Variants in PALM3 observed in about 807,000 individuals in gnomAD.
The protein encoded by PALM3 is paralemmin-3.
Under a neutral mutation model 27.9 loss-of-function variants are expected in PALM3, and 20 were observed. The observed-to-expected ratio is 0.72, with a 90% confidence interval of 0.50 to 1.04. The LOEUF (loss-of-function observed/expected upper bound fraction) is 1.04. PALM3 is among the 50% of genes least tolerant of loss of function. PALM3 has a pLI of 0.00. For synonymous variants in PALM3, 328 were observed against 352.7 expected, an observed-to-expected ratio of 0.93 and a Z score of 0.79; for missense variants, 814 against 869.4, an observed-to-expected ratio of 0.94 and a Z score of 0.80.
rs1976219628 is a variant in PALM3 at position 14,053,490 on chromosome 19, C to T, written c.*115G>A. The T allele has an allele frequency of 7.9e-7, 1 of 1,261,656 alleles. No homozygotes were observed. Among genetic ancestry groups the T allele is most frequent in the Non-Finnish European group, 1.0e-6 (1 of 958,758 alleles). The allele number at this position is 1,261,656 out of a possible 1,614,324, so 78.2% of individuals were successfully genotyped here. On this transcript the variant is annotated 3_prime_UTR_variant, in exon 7 of 7. Coordinates refer to ENST00000669674, the MANE Select transcript of PALM3 (RefSeq NM_001145028.2). Reference sequence around the variant, plus strand: ...AGGTGGACGTGCAGGCTAGCTGGCTCCCAGGTGCCATGGCCAGTCCTGTGG... The same window carrying T: ...AGGTGGACGTGCAGGCTAGCTGGCTTCCAGGTGCCATGGCCAGTCCTGTGG...
rs1161992911 is a variant in PALM3 at position 14,054,599 on chromosome 19, C to A, written c.1073G>T (p.Trp358Leu). The A allele has an allele frequency of 6.4e-7, 1 of 1,551,900 alleles. No individual in the cohort carries two copies. The highest frequency in any genetic ancestry group is 2.0e-5 in the Admixed American group (1 of 50,968). Residue 358 changes from tryptophan to leucine, a missense_variant, in exon 7 of 7, where the codon TGG (tryptophan) becomes TTG (leucine). By Grantham distance (61) the Trp-to-Leu change is moderately conservative. Coordinates refer to ENST00000669674, the MANE Select transcript of PALM3 (RefSeq NM_001145028.2). ...TTCACTGAGGGTCACTCTCTCCACC[C>A]AAATGAAGGATCCCTCCTCTCCTCC... ...GSGGEEGSFIWVERVTLSEEW... is the reference protein window; with the variant it reads ...GSGGEEGSFILVERVTLSEEW...
In PALM3 at chr19:14,055,761, T is replaced by C. The variant is rs548341493; in HGVS notation, c.400-336A>G. Among the ~76,000 whole-genome samples, 11 of 152,308 alleles carry C rather than the reference T, an allele frequency of 7.2e-5. 1 individual carries two copies. The South Asian group carries it at 2.3e-3, about 32-fold the overall frequency. ...CAATCAACATAAATACAAATTAATT[T>C]TTTTTTTGAGATGGAGTCTTGCTGT... On this transcript the variant is annotated intron_variant, in intron 5 of 6. Transcript: ENST00000669674.
chr19:14,053,473 G>A lies in PALM3; in HGVS notation c.*132C>T, dbSNP rs1428205840. On this transcript the variant is annotated 3_prime_UTR_variant, in exon 7 of 7. Transcript: ENST00000669674. ...TCTGGAAGCCCAGGTTTAGGTGGAC[G>A]TGCAGGCTAGCTGGCTCCCAGGTGC... The A allele has an allele frequency of 1.1e-5, 12 of 1,084,178 alleles. No homozygotes were observed. The highest frequency in any genetic ancestry group is 7.2e-5 in the Admixed American group (2 of 27,716). 67.2% of individuals were successfully genotyped at this position (1,084,178 alleles called of 1,614,324 possible).
At chr19:14,056,055 C>A (rs1976298415) in intron 5 of PALM3, among the ~76,000 whole-genome samples, 1 of 152,186 alleles carries the variant, frequency 6.6e-6, no homozygotes, top group African/African-American at 2.4e-5. Flanking sequence ...ACTACAGGGA[C>A]ACACCACCAT....
In PALM3 at chr19:14,054,819, C is replaced by G; in HGVS notation, c.853G>C (p.Asp285His). 2 of 1,549,140 alleles carry G rather than the reference C, an allele frequency of 1.3e-6. No individual in the cohort carries two copies. The highest frequency in any genetic ancestry group is 1.7e-6 in the Non-Finnish European group (2 of 1,145,854). The change falls in exon 7 of 7, where the codon GAC becomes CAC. Residue 285 changes from aspartate (D) to histidine (H), a missense_variant. Asp to His is a moderately conservative substitution (Grantham distance 81, BLOSUM62 -1). Coordinates refer to ENST00000669674, the MANE Select transcript of PALM3 (RefSeq NM_001145028.2). ...CAGACCACCTCCACGATGCCCCTGTCCTCCTTCACCCAGGCCGGGAGCTCC... is the reference window on the plus strand; with the variant it reads ...CAGACCACCTCCACGATGCCCCTGTGCTCCTTCACCCAGGCCGGGAGCTCC... ...SLELPAWVKE[D>H]RGIVEVVWEG...
rs773021403 is a variant in PALM3, at chr19:14,054,518, T to C, written c.1154A>G (p.Glu385Gly). 3 of 1,550,914 alleles carry C rather than the reference T, an allele frequency of 1.9e-6. No individual in the cohort carries two copies. The highest frequency in any genetic ancestry group is 2.4e-5 in the South Asian group (2 of 83,980). Residue 385 changes from glutamate to glycine, a missense_variant, in exon 7 of 7, where the codon GAG becomes GGG. Physicochemically the swap from Glu to Gly is moderately conservative, Grantham distance 98 (BLOSUM62 -2). Coordinates refer to ENST00000669674, the MANE Select transcript of PALM3 (RefSeq NM_001145028.2). The stretch of plus-strand genomic sequence containing the variant: ...CCCCAGCGGGCTTTCATCTCCTCTC[T>C]CCCTCCCTGCCACCTCGGGCCCTTC... ...GLEGPEVAGR[E>G]RGDESPLGAE...
chr19:14,058,184 T>A (rs1976350151), intron 2 of PALM3, among the ~76,000 whole-genome samples: 1 of 128,544 alleles, frequency 7.8e-6, no homozygotes, highest in South Asian at 2.4e-4. Context: ...GAGCCCAGAG[T>A]AATGGAGTGT....
intron 2 of PALM3, among the ~76,000 whole-genome samples, chr19:14,058,131 G>C (rs1568508997): frequency 6.6e-6 from 1 of 151,974 alleles, no homozygotes; most frequent in South Asian, 2.1e-4. Flanking sequence ...AGGAGGGGAG[G>C]GTGCTAGTGA....
intron 2 of PALM3, among the ~76,000 whole-genome samples, chr19:14,058,690 G>T (rs1599310212): frequency 6.6e-6 from 1 of 152,050 alleles, no homozygotes; most frequent in East Asian, 1.9e-4. Context: ...GCAGGACAGA[G>T]ATAGGATCAG....
At chr19:14,058,371 T>TG (rs1383183500) in intron 2 of PALM3, among the ~76,000 whole-genome samples, 3 of 129,250 alleles carry the variant, frequency 2.3e-5, no homozygotes, top group African/African-American at 9.1e-5. Context: ...TGCAGGGAGA[T>TG]GGGGTTCCAT....
At position 14,056,334 on chromosome 19, in the gene PALM3, C is replaced by G. The variant is rs555017385; in HGVS notation, c.399+95G>C. The G allele has an allele frequency of 1.3e-3, 1,592 of 1,264,672 alleles. 3 individuals are homozygous for G. Among genetic ancestry groups the G allele is most frequent in the Non-Finnish European group, 1.7e-3 (1,497 of 898,326 alleles). 78.3% of individuals were successfully genotyped at this position (1,264,672 alleles called of 1,614,324 possible). A position where few individuals can be genotyped will look rare whatever the true frequency, so the allele number is the denominator to read the frequency against. On this transcript the variant is annotated intron_variant, in intron 5 of 6. Transcript: ENST00000669674. ...TCTGAATGCAGACCTAGTGGCCAGG[C>G]TGCCCTTGGAGAAAGCTGCATTCCT...
chr19:14,056,680 A>G lies in PALM3; in HGVS notation c.296T>C (p.Leu99Pro). The G allele has an allele frequency of 6.4e-7, 1 of 1,551,736 alleles. No individual in the cohort carries two copies. Among genetic ancestry groups the G allele is most frequent in the East Asian group, 2.4e-5 (1 of 40,918 alleles). The change falls in exon 4 of 7, where the codon CTG (leucine) becomes CCG (proline). Residue 99 changes from leucine (L) to proline (P), a missense_variant. Coordinates refer to ENST00000669674, the MANE Select transcript of PALM3 (RefSeq NM_001145028.2). ...CACTCACGTGAACAAACTGTCTTCC[A>G]GGTTCCGGATTCGGGCCTGAGCCTG... ...EGQAQARIRN[L>P]EDSLFTLQSQ... is the part of the protein sequence containing the mutation.
rs1016877722 is a variant in PALM3, at chr19:14,055,190, G to A, written c.482C>T (p.Ala161Val). 3 of 1,540,540 alleles carry A rather than the reference G, an allele frequency of 1.9e-6. No homozygotes were observed. In the African/African-American group the frequency reaches 4.2e-5, roughly 21 times the overall value. ...CTCTGGAGGCGTGCCCACTAGTCCA[G>A]CCGGCAGGGAGGCTCTCTTGTTCAG... ...TDLNKRASLP[A>V]GLVGTPPESP... is the part of the protein sequence containing the mutation. Residue 161 changes from alanine (A) to valine (V), a missense_variant, in exon 7 of 7, where the codon GCT becomes GTT. By Grantham distance (64) the Ala-to-Val change is moderately conservative (BLOSUM62 0). Coordinates refer to ENST00000669674, the MANE Select transcript of PALM3 (RefSeq NM_001145028.2).
At chr19:14,056,396 C>T in intron 5 of PALM3, 33 bp downstream of exon 5, 1 of 1,521,892 alleles carries the variant, frequency 6.6e-7, no homozygotes, top group Non-Finnish European at 8.9e-7. Context: ...CTGGCCATGC[C>T]CTCCCATCCC....
chr19:14,059,452 C>A (rs1484361773), intron 1 of PALM3, among the ~76,000 whole-genome samples: 1 of 152,164 alleles, frequency 6.6e-6, no homozygotes, highest in Admixed American at 6.5e-5. Flanking sequence ...GTCCTTGCCA[C>A]CCCCGATCTC....
rs189034731 is a variant in PALM3 at position 14,061,868 on chromosome 19, C to T, written c.41+72G>A. 2.0e-4 allele frequency: 189 copies of T among 936,280 alleles called. No homozygotes were observed. In the East Asian group the frequency reaches 0.017, roughly 85 times the overall value. 58.0% of individuals were successfully genotyped at this position (936,280 alleles called of 1,614,324 possible). ...ACCACTGGAGCTCTCGGCTCCCAGA[C>T]AAGGCCAGCATCCCCCATGAGCCCC... On this transcript the variant is annotated intron_variant, in intron 1 of 6. Coordinates refer to ENST00000669674, the MANE Select transcript of PALM3 (RefSeq NM_001145028.2).
In PALM3 at chr19:14,054,950, C is replaced by G. The variant is rs1269179394; in HGVS notation, c.722G>C (p.Arg241Thr). 5 of 1,549,730 alleles carry G rather than the reference C, an allele frequency of 3.2e-6. No homozygotes were observed. Among genetic ancestry groups the G allele is most frequent in the Non-Finnish European group, 4.4e-6 (5 of 1,146,874 alleles). The stretch of plus-strand genomic sequence containing the variant: ...CCCTGTGGCACAGTCCTCTGTGGCC[C>G]TCAGCCCTTCCCACACCACACTCAC... Reference protein sequence around the residue: ...GVVSVVWEGLRATEDCATGAT... With the variant: ...GVVSVVWEGLTATEDCATGAT... The change falls in exon 7 of 7, where the codon AGG (arginine) becomes ACG (threonine). Residue 241 changes from arginine to threonine, a missense_variant. By Grantham distance (71) the Arg-to-Thr change is moderately conservative. Coordinates refer to ENST00000669674, the MANE Select transcript of PALM3 (RefSeq NM_001145028.2).
At position 14,054,875 on chromosome 19, in the gene PALM3, G is replaced by A. The variant is rs1333204703; in HGVS notation, c.797C>T (p.Ala266Val). The A allele has an allele frequency of 1.9e-6, 3 of 1,549,102 alleles. No individual in the cohort carries two copies. Among genetic ancestry groups the A allele is most frequent in the African/African-American group, 2.7e-5 (2 of 73,026 alleles). The change falls in exon 7 of 7, where the codon GCC (alanine) becomes GTC (valine). Residue 266 changes from alanine (A) to valine (V), a missense_variant. Coordinates refer to ENST00000669674, the MANE Select transcript of PALM3 (RefSeq NM_001145028.2). ...ACCAGCTCCCTTCCTGTCTCCGATG[G>A]CTTCCAGCACCACTTCCTCCACCTT... ...EAKVEEVVLEAIGDRKGAGSL... is the reference protein window; with the variant it reads ...EAKVEEVVLEVIGDRKGAGSL...
Position 14,054,198 on chromosome 19 carries a change from C to G in PALM3, c.1474G>C (p.Ala492Pro), listed in dbSNP as rs747512428. 25 of 1,551,848 alleles carry G rather than the reference C, an allele frequency of 1.6e-5. No individual in the cohort carries two copies. Among genetic ancestry groups the G allele is most frequent in the Admixed American group, 2.0e-5 (1 of 50,924 alleles). The change falls in exon 7 of 7, where the codon GCA becomes CCA. Residue 492 changes from alanine to proline, a missense_variant. Coordinates refer to ENST00000669674, the MANE Select transcript of PALM3 (RefSeq NM_001145028.2). Reference protein sequence around the residue: ...EKEGDEEKRGAEEEEVEEPLG... With the variant: ...EKEGDEEKRGPEEEEVEEPLG... The stretch of plus-strand genomic sequence containing the variant: ...GGTTCTTCTACCTCCTCCTCCTCTG[C>G]CCCTCGCTTTTCCTCATCTCCTTCC...
Sources: allele counts gnomAD v4.1 joint callset (sites outside exome capture counted in the v4.1 genomes callset), GRCh38; gene constraint gnomAD v4.1.1; transcripts MANE v1.5; gene names NCBI Gene and HGNC (gene_info 2026-07-23, HGNC 2026-07-21).